FOXN3: variants seen among roughly 807,000 people sequenced by gnomAD.
FOXN3 encodes forkhead box N3, also known as forkhead box protein N3.
A neutral mutation model predicts 38.4 loss-of-function variants in FOXN3; 7 were observed. The ratio of observed to expected loss-of-function variants is 0.18; its 90% CI spans 0.10 to 0.34. The LOEUF is 0.34. FOXN3 is among the 10% of genes least tolerant of loss of function. The pLI is 1.00. For synonymous variants in FOXN3, 230 were observed against 242.2 expected, an observed-to-expected ratio of 0.95 and a Z score of 0.47; for missense variants, 456 against 613.4, an observed-to-expected ratio of 0.74 and a Z score of 2.71.
At chr14:89,617,882 T>C (rs570116802) in intron 1 of FOXN3, among the ~76,000 whole-genome samples, 1 of 152,346 alleles carries the variant, frequency 6.6e-6, no homozygotes, top group South Asian at 2.1e-4. Flanking sequence ...ACTGTTTTCA[T>C]AAGTCTCAAT....
intron 2 of FOXN3, among the ~76,000 whole-genome samples, chr14:89,376,278 T>G (rs1412553957): frequency 6.6e-6 from 1 of 152,168 alleles, no homozygotes; most frequent in Non-Finnish European, 1.5e-5. Flanking sequence ...AATGGCCAAA[T>G]TTAGGATAAT....
At chr14:89,197,202 T>C (rs1888119491) in intron 4 of FOXN3, among the ~76,000 whole-genome samples, 1 of 151,734 alleles carries the variant, frequency 6.6e-6, no homozygotes, top group Non-Finnish European at 1.5e-5. Context: ...CAGACAGAAA[T>C]GATCAGATAT....
intron 4 of FOXN3, among the ~76,000 whole-genome samples, chr14:89,199,602 A>T (rs1200600178): frequency 6.6e-6 from 1 of 152,182 alleles, no homozygotes; most frequent in African/African-American, 2.4e-5. Flanking sequence ...GAAAGGATGA[A>T]TGATCTATAC....
At chr14:89,587,867 GAAAAAA>G (rs11366681) in intron 1 of FOXN3, among the ~76,000 whole-genome samples, 1 of 64,638 alleles carries the variant, frequency 1.5e-5, no homozygotes, top group African/African-American at 5.7e-5. Flanking sequence ...CTCTGTCTCA[GAAAAAA>G]AAAAAAAAAA....
intron 1 of FOXN3, among the ~76,000 whole-genome samples, chr14:89,517,673 G>A (rs1272214241): frequency 6.6e-6 from 1 of 152,184 alleles, no homozygotes; most frequent in Non-Finnish European, 1.5e-5. Context: ...CATGAGATTT[G>A]GGTTGGGACA....
At chr14:89,170,376 A>C (rs1363729154) in intron 5 of FOXN3, among the ~76,000 whole-genome samples, 1 of 152,218 alleles carries the variant, frequency 6.6e-6, no homozygotes, top group African/African-American at 2.4e-5. Flanking sequence ...ACATGTGCTA[A>C]TAATGGAAAA....
chr14:89,391,425 T>C (rs1566975586), intron 2 of FOXN3, among the ~76,000 whole-genome samples: 1 of 152,210 alleles, frequency 6.6e-6, no homozygotes. Flanking sequence ...GTACCAAGAA[T>C]TCAGCCAACT....
chr14:89,389,174 T>C (rs1227425504), intron 2 of FOXN3, among the ~76,000 whole-genome samples: 1 of 152,140 alleles, frequency 6.6e-6, no homozygotes, highest in Non-Finnish European at 1.5e-5. Flanking sequence ...ACAATTCCTC[T>C]TTTTTCCCAT....
chr14:89,289,297 A>G (rs967964336), intron 3 of FOXN3, among the ~76,000 whole-genome samples: 1 of 152,178 alleles, frequency 6.6e-6, no homozygotes, highest in Admixed American at 6.5e-5. Context: ...CTTTAGGAGA[A>G]GTAATACATC....
At chr14:89,505,761 C>T (rs1893908154) in intron 1 of FOXN3, among the ~76,000 whole-genome samples, 3 of 151,886 alleles carry the variant, frequency 2.0e-5, no homozygotes, top group South Asian at 2.1e-4. Context: ...AGGAGCCTCT[C>T]TGCCTGGCTG....
intron 4 of FOXN3, among the ~76,000 whole-genome samples, chr14:89,211,891 C>T (rs1884103530): frequency 6.6e-6 from 1 of 152,194 alleles, no homozygotes; most frequent in Admixed American, 6.5e-5. Context: ...GAATCCCTAA[C>T]CTCCAATTTG....
intron 3 of FOXN3, among the ~76,000 whole-genome samples, chr14:89,311,495 G>A (rs144162596): frequency 7.6e-6 from 1 of 131,788 alleles, no homozygotes; most frequent in Non-Finnish European, 1.6e-5. Flanking sequence ...AAAAAAAAAG[G>A]TGTATGGCAA....
At chr14:89,325,068 T>G (rs1888010652) in intron 3 of FOXN3, among the ~76,000 whole-genome samples, 1 of 152,090 alleles carries the variant, frequency 6.6e-6, no homozygotes, top group Non-Finnish European at 1.5e-5. Flanking sequence ...GCACACTGGG[T>G]GCATCTCAGG....
rs1566681356 is a variant in FOXN3, at chr14:89,511,260, TTTCTTTCTTTC to T, written c.-14-98781_-14-98771del. The stretch of plus-strand genomic sequence containing the variant: ...TCCTTTTCTTTCTTTTCTTTCTTTC[TTTCTTTCTTTC>T]TTTCTTTCTTTCTTTCTTTCTTTCT... On this transcript the variant is annotated intron_variant, in intron 1 of 6. Transcript: ENST00000345097. 2.8e-3 allele frequency among the ~76,000 whole-genome samples: 63 copies of T among 22,696 alleles called. 5 individuals carry two copies. Among genetic ancestry groups the T allele is most frequent in the African/African-American group, 6.6e-3 (61 of 9,302 alleles). The allele number at this position is 22,696 out of a possible 152,430, so 14.9% of individuals were successfully genotyped here. A position where few individuals can be genotyped will look rare whatever the true frequency, so the allele number is the denominator to read the frequency against.
At chr14:89,296,552 C>G (rs543527409) in intron 3 of FOXN3, among the ~76,000 whole-genome samples, 1 of 152,330 alleles carries the variant, frequency 6.6e-6, no homozygotes, top group South Asian at 2.1e-4. Context: ...AGCTCCCAGT[C>G]TAGTAGGGCC....
intron 4 of FOXN3, among the ~76,000 whole-genome samples, chr14:89,193,507 T>C (rs17716481): frequency 0.36 from 54,039 of 151,968 alleles, 9,927 homozygotes; most frequent in African/African-American, 0.4. Flanking sequence ...TTTGGATCTG[T>C]AGAGCATCCA....
chr14:89,428,834 A>C (rs1006109483), intron 1 of FOXN3, among the ~76,000 whole-genome samples: 1 of 152,220 alleles, frequency 6.6e-6, no homozygotes, highest in African/African-American at 2.4e-5. Context: ...CCTGAGGACC[A>C]AGGTGGGCAT....
rs142026461 is a variant in FOXN3, at chr14:89,579,103, G to A, written c.-15+39925C>T. Among the ~76,000 whole-genome samples the A allele has an allele frequency of 8.6e-3, 1,299 of 151,468 alleles. 10 individuals are homozygous for A. The highest frequency in any genetic ancestry group is 0.015 in the Non-Finnish European group (1,003 of 67,938). On this transcript the variant is annotated intron_variant, in intron 1 of 6. Transcript: ENST00000345097. ...GGCCTCAAGTGATCCTCCCATCTCG[G>A]CCTCCCAAAGTGCTAGGATTACAGG...
intron 1 of FOXN3, among the ~76,000 whole-genome samples, chr14:89,531,581 T>C (rs906605988): frequency 6.6e-6 from 1 of 152,200 alleles, no homozygotes; most frequent in South Asian, 2.1e-4. Context: ...GGAGCATTCA[T>C]GATGTTGCAA....
Sources: gnomAD v4.1 joint callset for allele counts (sites outside exome capture counted in the v4.1 genomes callset) on GRCh38, gnomAD v4.1.1 for gene constraint, MANE v1.5 for transcripts, NCBI Gene and HGNC (gene_info 2026-07-23, HGNC 2026-07-21) for gene names.